Variants in TTC22 observed in about 807,000 individuals in gnomAD.
TTC22 encodes the protein tetratricopeptide repeat protein 22.
Under a neutral mutation model 48.2 loss-of-function variants are expected in TTC22, and 42 were observed. The observed-to-expected ratio is 0.87, with a 90% CI of 0.68 to 1.13. The LOEUF is 1.13. TTC22 is among the 50% of genes most tolerant of loss of function. The probability of loss-of-function intolerance (pLI) is 0.00; values close to 1 mark genes in which losing one functional copy is unlikely to be tolerated. For missense variants in TTC22, 784 were observed against 807.0 expected (o/e 0.97, Z 0.34); for synonymous variants, 345 against 365.5 (o/e 0.94, Z 0.64).
chr1:54,781,455 A>G lies in TTC22; in HGVS notation c.1498T>C (p.Trp500Arg). The G allele has an allele frequency of 1.4e-6, 2 of 1,453,116 alleles. No homozygotes were observed. The highest frequency in any genetic ancestry group is 1.8e-6 in the Non-Finnish European group (2 of 1,112,822). 90.0% of individuals were successfully genotyped at this position (1,453,116 alleles called of 1,614,324 possible). A position where few individuals can be genotyped will look rare whatever the true frequency, so the allele number is the denominator to read the frequency against. The change falls in exon 7 of 7, where the codon TGG becomes CGG. Residue 500 changes from tryptophan to arginine, a missense_variant. By Grantham distance (101) the Trp-to-Arg change is moderately radical. Coordinates refer to ENST00000371276, the MANE Select transcript of TTC22 (RefSeq NM_001114108.2). ...DGELGREVDA[W>R]LRRAQDKYPA... ...TACTTGTCCTGGGCGCGGCGCAGCC[A>G]GGCGTCCACCTCGCGGCCCAGCTCC... is the stretch of plus-strand genomic sequence containing the variant.
Position 54,786,982 on chromosome 1 carries a change from G to A in TTC22, c.833C>T (p.Thr278Ile), listed in dbSNP as rs751736808. The A allele has an allele frequency of 1.3e-6, 2 of 1,558,516 alleles. No homozygotes were observed. Among genetic ancestry groups the A allele is most frequent in the Admixed American group, 1.9e-5 (1 of 52,578 alleles). ...MGVHDCGYSG[T>I]DPLDCFGKAI... ...CTTGCCGAAGCAGTCTAGAGGGTCG[G>A]TCCCTGAGTACCCGCAGTCATGGAC... is the stretch of plus-strand genomic sequence containing the variant. The change falls in exon 4 of 7, where the codon ACC becomes ATC. Residue 278 changes from threonine to isoleucine, a missense_variant. Thr to Ile is a moderately conservative substitution (Grantham distance 89, BLOSUM62 -1). Transcript: ENST00000371276.
rs555701561 is a variant in TTC22 at position 54,782,801 on chromosome 1, G to A, written c.1021-324C>T. Reference sequence around the variant, plus strand: ...CTATGCTGGGTACAGGAGGTACCGTGGTAACAAGATAGATGAGGTCCCTGC... The same window carrying A: ...CTATGCTGGGTACAGGAGGTACCGTAGTAACAAGATAGATGAGGTCCCTGC... On this transcript the variant is annotated intron_variant, in intron 5 of 6. Coordinates refer to ENST00000371276, the MANE Select transcript of TTC22 (RefSeq NM_001114108.2). 3.9e-5 allele frequency among the ~76,000 whole-genome samples: 6 copies of A among 152,284 alleles called. No homozygotes were observed. In the South Asian group the frequency reaches 1.2e-3, roughly 32 times the overall value.
At chr1:54,793,884 G>A (rs1250399537) in intron 1 of TTC22, among the ~76,000 whole-genome samples, 1 of 152,174 alleles carries the variant, frequency 6.6e-6, no homozygotes, top group African/African-American at 2.4e-5. Flanking sequence ...CAGGTAGTAG[G>A]GCTGAGAACT....
In TTC22 at chr1:54,787,647, C is replaced by CA. The variant is rs896265436; in HGVS notation, c.739+63dup. The CA allele has an allele frequency of 2.5e-5, 30 of 1,214,302 alleles. No homozygotes were observed. In the Admixed American group the frequency reaches 5.4e-4, roughly 22 times the overall value. The allele number at this position is 1,214,302 out of a possible 1,614,324, so 75.2% of individuals were successfully genotyped here. A position where few individuals can be genotyped will look rare whatever the true frequency, so the allele number is the denominator to read the frequency against. ...GGGGAGGTAATGCCAGAGGTGGATGCAATGCCAGCGGGCTGTTGGCAGGGG... is the reference window on the plus strand; with the variant it reads ...GGGGAGGTAATGCCAGAGGTGGATGCAAATGCCAGCGGGCTGTTGGCAGGGG... On this transcript the variant is annotated intron_variant, in intron 3 of 6. Transcript: ENST00000371276.
rs998912702 is a variant in TTC22, at chr1:54,782,344, G to A, written c.1154C>T (p.Ala385Val). ...CCTTACCTGGCCGATGTCCAGGTACGCCTTGAAGCCTGGGCACACCCTGAC... is the reference window on the plus strand; with the variant it reads ...CCTTACCTGGCCGATGTCCAGGTACACCTTGAAGCCTGGGCACACCCTGAC... ...EVVRVCPGFK[A>V]YLDIGQVYYY... is the part of the protein sequence containing the mutation. Residue 385 changes from alanine (A) to valine (V), a missense_variant, in exon 6 of 7, where the codon GCG (alanine) becomes GTG (valine). Transcript: ENST00000371276. 5.8e-6 allele frequency: 9 copies of A among 1,545,354 alleles called. No homozygotes were observed. The African/African-American group carries it at 6.9e-5, about 12-fold the overall frequency.
In TTC22 at chr1:54,786,080, AG is replaced by A. The variant is rs768713081; in HGVS notation, c.922del (p.Leu308TrpfsTer105). 2 of 1,614,066 alleles carry A rather than the reference AG, an allele frequency of 1.2e-6. No homozygotes were observed. The highest frequency in any genetic ancestry group is 2.2e-5 in the South Asian group (2 of 91,080). On this transcript the variant is annotated frameshift_variant, in exon 5 of 7. Transcript: ENST00000371276. LOFTEE classifies it high-confidence loss of function. ...LNRLAKIFYF[L>X]GKQDMAIGTC... ...TCCAATGGCCATATCCTGCTTTCCC[AG>A]GAAGTAGAAGATTTTTGCCAGGCGA...
At chr1:54,800,453 G>C in intron 1 of TTC22, 144 bp downstream of exon 1, 1 of 713,862 alleles carries the variant, frequency 1.4e-6, no homozygotes, top group Middle Eastern at 3.9e-4. Context: ...GCAGGCGGGG[G>C]ATGCACATTG....
chr1:54,785,592 G>C, intron 5 of TTC22: 1 of 447,850 alleles, frequency 2.2e-6, no homozygotes, highest in Non-Finnish European at 4.5e-6. Flanking sequence ...TGGGAGGACT[G>C]CTTGAGCCCA....
At chr1:54,789,286 C>A (rs1312580471) in intron 1 of TTC22, among the ~76,000 whole-genome samples, 1 of 152,154 alleles carries the variant, frequency 6.6e-6, no homozygotes. Context: ...CCACTCCCAG[C>A]TGGGGGATGT....
At chr1:54,785,206 T>C in intron 5 of TTC22, 1 of 206,030 alleles carries the variant, frequency 4.9e-6, no homozygotes, top group South Asian at 6.6e-5. Context: ...TGATCCACTA[T>C]ATTAAATGAC....
In TTC22 at chr1:54,799,616, G is replaced by T. The variant is rs533975160; in HGVS notation, c.567+981C>A. ...CGCATTCAACACATCAATCTTGGTT[G>T]TGCCTTCCACTGAAGGTAGCCTGGC... On this transcript the variant is annotated intron_variant, in intron 1 of 6. Transcript: ENST00000371276. Among the ~76,000 whole-genome samples the T allele has an allele frequency of 3.3e-5, 5 of 152,316 alleles. No individual in the cohort carries two copies. In the East Asian group the frequency reaches 9.7e-4, roughly 29 times the overall value.
At position 54,800,582 on chromosome 1, in the gene TTC22, AC is replaced by A; in HGVS notation, c.567+14del. The A allele has an allele frequency of 4.0e-6, 6 of 1,482,368 alleles. No individual in the cohort carries two copies. The highest frequency in any genetic ancestry group is 5.2e-5 in the East Asian group (2 of 38,542). The allele number at this position is 1,482,368 out of a possible 1,614,324, so 91.8% of individuals were successfully genotyped here. A position where few individuals can be genotyped will look rare whatever the true frequency, so the allele number is the denominator to read the frequency against. The stretch of plus-strand genomic sequence containing the variant: ...AGTCCTCCCAGAGGGAGGTAGGGAG[AC>A]AGGGGTCACCTACCTGCTGCCCGTA... On this transcript the variant is annotated intron_variant, in intron 1 of 6. Coordinates refer to ENST00000371276, the MANE Select transcript of TTC22 (RefSeq NM_001114108.2).
intron 5 of TTC22, 41 bp from the exon 6 acceptor site, chr1:54,782,518 AG>A: frequency 6.6e-7 from 1 of 1,511,442 alleles, no homozygotes; most frequent in East Asian, 2.5e-5. Context: ...GATCCAGGCA[AG>A]GGCCTCTGCC....
Position 54,799,346 on chromosome 1 carries a change from C to T in TTC22, c.567+1251G>A, listed in dbSNP as rs115964072. ...TCTGATAGCTACCCCTGAATCACTG[C>T]TTTCCTGCTCACCTCCTCCAGGAAG... On this transcript the variant is annotated intron_variant, in intron 1 of 6. Transcript: ENST00000371276. Among the ~76,000 whole-genome samples, 757 of 152,342 alleles carry T rather than the reference C, an allele frequency of 5.0e-3. 2 individuals are homozygous for T. Among genetic ancestry groups the T allele is most frequent in the African/African-American group, 0.016 (652 of 41,568 alleles).
At chr1:54,783,687 G>A (rs1400916583) in intron 5 of TTC22, among the ~76,000 whole-genome samples, 1 of 152,196 alleles carries the variant, frequency 6.6e-6, no homozygotes, top group Non-Finnish European at 1.5e-5. Context: ...ACCAGGAAAG[G>A]AAAACATAAA....
At chr1:54,797,799 T>A (rs1219739818) in intron 1 of TTC22, among the ~76,000 whole-genome samples, 1 of 152,216 alleles carries the variant, frequency 6.6e-6, no homozygotes, top group Non-Finnish European at 1.5e-5. Flanking sequence ...TATTTTGTAG[T>A]TTAGGTTAGC....
At chr1:54,799,718 A>C (rs1646418771) in intron 1 of TTC22, among the ~76,000 whole-genome samples, 1 of 152,162 alleles carries the variant, frequency 6.6e-6, no homozygotes, top group Non-Finnish European at 1.5e-5. Flanking sequence ...GGTCATGTCT[A>C]CACCCAGCTT....
rs1267254764 is a variant in TTC22, at chr1:54,781,297, C to T, written c.1656G>A (p.Glu552=). ...ALVRLLFETM[E]REGEGASAPR... is the part of the protein sequence containing the mutation. ...GCGCGCTGGCGCCCTCGCCCTCGCG[C>T]TCCATGGTCTCGAAGAGCAGCCGCA... The change falls in exon 7 of 7, where the codon GAG becomes GAA. Residue 552 remains glutamate, a synonymous_variant. Transcript: ENST00000371276. 1.2e-5 allele frequency: 18 copies of T among 1,474,556 alleles called. No homozygotes were observed. In the East Asian group the frequency reaches 5.3e-4, roughly 44 times the overall value. 91.3% of individuals were successfully genotyped at this position (1,474,556 alleles called of 1,614,324 possible). A position where few individuals can be genotyped will look rare whatever the true frequency, so the allele number is the denominator to read the frequency against.
rs889874176 is a variant in TTC22 at position 54,801,209 on chromosome 1, G to C, written c.-46C>G. The C allele has an allele frequency of 1.9e-6, 3 of 1,567,448 alleles. No homozygotes were observed. The highest frequency in any genetic ancestry group is 2.6e-6 in the Non-Finnish European group (3 of 1,147,024). ...TGGCCTCACCCTTGTCCCTGAGGCT[G>C]TGGAGGGCAGTGGATGGGGGCGTTC... On this transcript the variant is annotated 5_prime_UTR_variant, in exon 1 of 7. Coordinates refer to ENST00000371276, the MANE Select transcript of TTC22 (RefSeq NM_001114108.2).
Sources: gnomAD v4.1 joint callset for allele counts (sites outside exome capture counted in the v4.1 genomes callset) on GRCh38, gnomAD v4.1.1 for gene constraint, MANE v1.5 for transcripts, NCBI Gene and HGNC (gene_info 2026-07-23, HGNC 2026-07-21) for gene names.